SYT1: variants seen among roughly 807,000 people sequenced by gnomAD.
SYT1 encodes the protein synaptotagmin 1, also known as synaptotagmin-1.
A neutral mutation model predicts 44.8 loss-of-function variants in SYT1; 8 were observed. The observed-to-expected ratio is 0.18, with a 90% CI of 0.10 to 0.32. The LOEUF is 0.32. SYT1 is among the 10% of genes least tolerant of loss of function. SYT1 has a pLI of 1.00. For missense variants in SYT1, 286 were observed against 509.3 expected, an observed-to-expected ratio of 0.56 and a Z score of 4.22; for synonymous variants, 154 against 188.8, an observed-to-expected ratio of 0.82 and a Z score of 1.51.
chr12:78,936,629 T>A (rs1878075835), intron 1 of SYT1, among the ~76,000 whole-genome samples: 3 of 152,150 alleles, frequency 2.0e-5, no homozygotes. Context: ...TCTTTATTTC[T>A]TAGTATATGT....
chr12:79,151,972 G>C (rs1230804487), intron 3 of SYT1, among the ~76,000 whole-genome samples: 1 of 152,098 alleles, frequency 6.6e-6, no homozygotes, highest in East Asian at 1.9e-4. Flanking sequence ...GCTGAGAAAA[G>C]AACTGTGTGT....
intron 3 of SYT1, among the ~76,000 whole-genome samples, chr12:79,058,106 G>C (rs1875103568): frequency 6.6e-6 from 1 of 151,994 alleles, no homozygotes; most frequent in African/African-American, 2.4e-5. Flanking sequence ...GGCAAAGCCA[G>C]ATTTGTCATT....
At chr12:79,308,648 G>GAA (rs1880599940) in intron 8 of SYT1, among the ~76,000 whole-genome samples, 1 of 92,622 alleles carries the variant, frequency 1.1e-5, no homozygotes, top group Non-Finnish European at 2.3e-5. Context: ...AAGAAAGAAA[G>GAA]AAAGAAAGAA....
chr12:79,040,916 C>T (rs1229358423), intron 2 of SYT1, among the ~76,000 whole-genome samples: 1 of 150,178 alleles, frequency 6.7e-6, no homozygotes, highest in Non-Finnish European at 1.5e-5. Context: ...TCAGGTTTGT[C>T]AAAGATCAGA....
At chr12:79,050,272 AGG>A (rs1187254289) in intron 3 of SYT1, among the ~76,000 whole-genome samples, 1 of 152,098 alleles carries the variant, frequency 6.6e-6, no homozygotes, top group Non-Finnish European at 1.5e-5. Context: ...ATCATCATAA[AGG>A]TCTCCATCCT....
intron 3 of SYT1, among the ~76,000 whole-genome samples, chr12:79,163,156 T>G (rs758344200): frequency 6.6e-6 from 1 of 152,122 alleles, no homozygotes; most frequent in African/African-American, 2.4e-5. Flanking sequence ...GGACACCTAC[T>G]GCACACAGGG....
chr12:79,053,830 C>A (rs1375608679), intron 3 of SYT1, among the ~76,000 whole-genome samples: 1 of 151,692 alleles, frequency 6.6e-6, no homozygotes, highest in African/African-American at 2.4e-5. Flanking sequence ...TCTGAAACAA[C>A]CAAAGTTGTT....
At chr12:79,307,754 T>C (rs1250625847) in intron 8 of SYT1, among the ~76,000 whole-genome samples, 1 of 152,236 alleles carries the variant, frequency 6.6e-6, no homozygotes, top group African/African-American at 2.4e-5. Context: ...AACATTGGAA[T>C]GGCCTTGCCT....
chr12:79,128,839 T>TGTCA (rs1374470843), intron 3 of SYT1, among the ~76,000 whole-genome samples: 4 of 152,232 alleles, frequency 2.6e-5, no homozygotes, highest in African/African-American at 9.6e-5. Flanking sequence ...CTTCTCTTCC[T>TGTCA]GTCAGTTCTT....
chr12:78,982,765 A>G (rs1869358953), intron 2 of SYT1, among the ~76,000 whole-genome samples: 1 of 152,292 alleles, frequency 6.6e-6, no homozygotes, highest in African/African-American at 2.4e-5. Context: ...AGTTATACTC[A>G]CATATAAACT....
At chr12:79,161,836 A>T (rs1011299444) in intron 3 of SYT1, among the ~76,000 whole-genome samples, 1 of 152,066 alleles carries the variant, frequency 6.6e-6, no homozygotes, top group African/African-American at 2.4e-5. Flanking sequence ...TTACTTCTTT[A>T]TAGAGTATAA....
chr12:79,265,732 T>A (rs1878089371), intron 4 of SYT1, among the ~76,000 whole-genome samples: 1 of 152,122 alleles, frequency 6.6e-6, no homozygotes, highest in South Asian at 2.1e-4. Flanking sequence ...ATATGGTGTT[T>A]AGGATCAAAC....
intron 1 of SYT1, among the ~76,000 whole-genome samples, chr12:78,914,756 A>C (rs1485941891): frequency 3.3e-5 from 5 of 152,036 alleles, no homozygotes; most frequent in Non-Finnish European, 7.4e-5. Context: ...TCTTCTTATA[A>C]AATCTCTGAA....
At chr12:79,405,389 T>C (rs147145707) in intron 9 of SYT1, among the ~76,000 whole-genome samples, 316 of 152,296 alleles carry the variant, frequency 2.1e-3, no homozygotes, top group African/African-American at 6.9e-3. Flanking sequence ...ATCAAAAGAT[T>C]ATAATTTAAA....
chr12:79,026,448 T>C (rs1392089988), intron 2 of SYT1, among the ~76,000 whole-genome samples: 1 of 151,162 alleles, frequency 6.6e-6, no homozygotes, highest in African/African-American at 2.4e-5. Context: ...TGTTCTTTCT[T>C]GATAAGAAAA....
intron 3 of SYT1, among the ~76,000 whole-genome samples, chr12:79,058,096 G>A (rs1308447003): frequency 6.6e-6 from 1 of 151,838 alleles, no homozygotes; most frequent in Non-Finnish European, 1.5e-5. Flanking sequence ...TTTTTTGAAA[G>A]GCAAAGCCAG....
intron 2 of SYT1, among the ~76,000 whole-genome samples, chr12:79,031,078 TA>T (rs1324748299): frequency 2.0e-5 from 3 of 151,160 alleles, no homozygotes; most frequent in African/African-American, 7.2e-5. Flanking sequence ...AATAAACACA[TA>T]ATTTTAAAAA....
At chr12:78,917,847 C>T (rs1444259865) in intron 1 of SYT1, among the ~76,000 whole-genome samples, 1 of 151,964 alleles carries the variant, frequency 6.6e-6, no homozygotes, top group African/African-American at 2.4e-5. Flanking sequence ...TTTGTTAACT[C>T]TTAAGAATTA....
chr12:79,177,035 CT>C (rs5799413), intron 3 of SYT1, among the ~76,000 whole-genome samples: 5,797 of 141,448 alleles, frequency 0.041, 215 homozygotes, highest in East Asian at 0.14. Flanking sequence ...AAGCATATTT[CT>C]TTTTTTTTTT....
Sources: gnomAD v4.1 joint callset for allele counts (sites outside exome capture counted in the v4.1 genomes callset) on GRCh38, gnomAD v4.1.1 for gene constraint, MANE v1.5 for transcripts, NCBI Gene and HGNC (gene_info 2026-07-23, HGNC 2026-07-21) for gene names.